Variants in CTNND2 observed in about 807,000 individuals in gnomAD.
The protein encoded by CTNND2 is catenin delta-2.
Under a neutral mutation model 144.4 loss-of-function variants are expected in CTNND2, and 22 were observed. The observed-to-expected ratio is 0.15, with a 90% CI of 0.11 to 0.22. The LOEUF is 0.22. Among genes scored for constraint, CTNND2 ranks in the 10% least tolerant of loss-of-function variants. The pLI is 1.00. For missense variants in CTNND2, 1,353 were observed against 1,618.8 expected (o/e 0.84, Z 2.82); for synonymous variants, 751 against 695.6 (o/e 1.08, Z -1.25).
intron 3 of CTNND2, among the ~76,000 whole-genome samples, chr5:11,462,410 CAACTT>C (rs1766299795): frequency 6.6e-6 from 1 of 152,158 alleles, no homozygotes; most frequent in Non-Finnish European, 1.5e-5. Flanking sequence ...CATCTCCCCT[CAACTT>C]GAGCCCTGGC....
chr5:11,799,494 A>C (rs1791566643), intron 1 of CTNND2, among the ~76,000 whole-genome samples: 1 of 152,140 alleles, frequency 6.6e-6, no homozygotes, highest in African/African-American at 2.4e-5. Flanking sequence ...TACCTTCTCC[A>C]ATGGCTTTTT....
At chr5:11,544,657 G>C (rs1210358170) in intron 3 of CTNND2, among the ~76,000 whole-genome samples, 1 of 152,200 alleles carries the variant, frequency 6.6e-6, no homozygotes, top group South Asian at 2.1e-4. Flanking sequence ...CATTCTTTAT[G>C]ATGAAACACT....
chr5:11,274,255 TG>T (rs1746305820), intron 9 of CTNND2, among the ~76,000 whole-genome samples: 1 of 152,218 alleles, frequency 6.6e-6, no homozygotes, highest in African/African-American at 2.4e-5. Flanking sequence ...TTTCATGACA[TG>T]TGTTCATCAA....
intron 1 of CTNND2, among the ~76,000 whole-genome samples, chr5:11,882,743 T>C (rs1228021493): frequency 6.6e-6 from 1 of 152,182 alleles, no homozygotes; most frequent in Non-Finnish European, 1.5e-5. Flanking sequence ...GGTAGTGTGA[T>C]GCCTCCAGCT....
intron 3 of CTNND2, among the ~76,000 whole-genome samples, chr5:11,422,487 G>T (rs1762449575): frequency 6.6e-6 from 1 of 152,152 alleles, no homozygotes; most frequent in African/African-American, 2.4e-5. Context: ...TGTTGGCACT[G>T]GTGACTGACA....
chr5:11,428,795 C>G (rs1307120595), intron 3 of CTNND2, among the ~76,000 whole-genome samples: 1 of 152,186 alleles, frequency 6.6e-6, no homozygotes, highest in Non-Finnish European at 1.5e-5. Flanking sequence ...TAAAGCATCA[C>G]TGGCAGAAGT....
chr5:11,850,854 T>C (rs1173144870), intron 1 of CTNND2, among the ~76,000 whole-genome samples: 2 of 152,346 alleles, frequency 1.3e-5, no homozygotes, highest in East Asian at 3.9e-4. Flanking sequence ...TAGGAAACTT[T>C]ATGTGTCTAC....
rs1735978990 is a variant in CTNND2 at position 10,972,857 on chromosome 5, T to A, written c.*596A>T. 6.6e-6 allele frequency: 1 copy of A among 152,588 alleles called. No homozygotes were observed. The highest frequency in any genetic ancestry group is 6.5e-5 in the Admixed American group (1 of 15,278). 9.5% of individuals were successfully genotyped at this position (152,588 alleles called of 1,614,324 possible). On this transcript the variant is annotated 3_prime_UTR_variant, in exon 22 of 22. Transcript: ENST00000304623. ...CATACATCTTTCAAAAGTTTGAAAT[T>A]GAAGCAATATTTAGAACCATAGATG...
chr5:11,619,191 T>C (rs1014212895), intron 2 of CTNND2, among the ~76,000 whole-genome samples: 16 of 152,260 alleles, frequency 1.1e-4, no homozygotes, highest in African/African-American at 3.1e-4. Flanking sequence ...GAGGATCACC[T>C]GAGGTATGGA....
At chr5:11,243,616 C>A (rs1416641797) in intron 9 of CTNND2, among the ~76,000 whole-genome samples, 1 of 152,152 alleles carries the variant, frequency 6.6e-6, no homozygotes, top group Non-Finnish European at 1.5e-5. Context: ...CAAATGTAAC[C>A]TTTTCTCCAT....
intron 3 of CTNND2, among the ~76,000 whole-genome samples, chr5:11,438,275 A>G (rs1763947297): frequency 6.6e-6 from 1 of 152,198 alleles, no homozygotes. Context: ...CATTCATTCA[A>G]TCAACAAATA....
intron 9 of CTNND2, among the ~76,000 whole-genome samples, chr5:11,241,100 C>T (rs943119565): frequency 1.3e-4 from 20 of 151,012 alleles, no homozygotes; most frequent in African/African-American, 4.6e-4. Flanking sequence ...ATACACACAC[C>T]CAACATGTAC....
chr5:11,649,110 AT>A (rs1782514258), intron 2 of CTNND2, among the ~76,000 whole-genome samples: 1 of 152,176 alleles, frequency 6.6e-6, no homozygotes, highest in South Asian at 2.1e-4. Context: ...ATTTATTTTT[AT>A]GGGTCAAAGC....
At chr5:11,817,790 T>C (rs1032421903) in intron 1 of CTNND2, among the ~76,000 whole-genome samples, 2 of 152,114 alleles carry the variant, frequency 1.3e-5, no homozygotes, top group African/African-American at 2.4e-5. Context: ...TCAGAATTTA[T>C]GTTGAACACC....
At chr5:11,009,367 T>C (rs1015816733) in intron 18 of CTNND2, among the ~76,000 whole-genome samples, 3 of 152,110 alleles carry the variant, frequency 2.0e-5, no homozygotes, top group Admixed American at 1.3e-4. Context: ...TTGGGAGGCA[T>C]TGAGACAGGG....
intron 9 of CTNND2, among the ~76,000 whole-genome samples, chr5:11,270,820 C>T (rs919057468): frequency 6.6e-6 from 1 of 152,126 alleles, no homozygotes; most frequent in African/African-American, 2.4e-5. Flanking sequence ...CAATAACCAG[C>T]AGATAGAAAA....
chr5:11,204,914 C>T (rs1206732444), intron 10 of CTNND2, among the ~76,000 whole-genome samples: 1 of 152,114 alleles, frequency 6.6e-6, no homozygotes, highest in Non-Finnish European at 1.5e-5. Context: ...CGCTCACCTG[C>T]TCTGCATTTG....
At chr5:11,017,773 G>A (rs1311314738) in intron 18 of CTNND2, among the ~76,000 whole-genome samples, 1 of 152,044 alleles carries the variant, frequency 6.6e-6, no homozygotes, top group Non-Finnish European at 1.5e-5. Flanking sequence ...TGTGAGCACA[G>A]GTCTGTCCAG....
chr5:11,815,881 G>A (rs1792604709), intron 1 of CTNND2, among the ~76,000 whole-genome samples: 1 of 152,098 alleles, frequency 6.6e-6, no homozygotes, highest in Admixed American at 6.5e-5. Flanking sequence ...CTAACTTTGT[G>A]GGAGCAGAGA....
Sources: allele counts gnomAD v4.1 joint callset (sites outside exome capture counted in the v4.1 genomes callset), GRCh38; gene constraint gnomAD v4.1.1; transcripts MANE v1.5; gene names NCBI Gene and HGNC (gene_info 2026-07-23, HGNC 2026-07-21).